The following ROBO2 variants were observed in gnomAD, a reference collection of about 807,000 sequenced individuals.
ROBO2 encodes the protein roundabout guidance receptor 2.
A neutral mutation model predicts 160.8 loss-of-function variants in ROBO2; 53 were observed. The ratio of observed to expected loss-of-function variants is 0.33; its 90% CI spans 0.26 to 0.41. The LOEUF (loss-of-function observed/expected upper bound fraction) is 0.41, where lower values mean the gene tolerates loss of function less well. Ranked by LOEUF, ROBO2 falls within the 10% of genes least tolerant of loss-of-function variation. The pLI is 1.00. For synonymous variants in ROBO2, 664 were observed against 611.7 expected (o/e 1.09, Z -1.26); for missense variants, 1,577 against 1,722.4 (o/e 0.92, Z 1.49).
At chr3:76,532,387 C>G (rs115366021) in intron 2 of ROBO2, among the ~76,000 whole-genome samples, 412 of 152,290 alleles carry the variant, frequency 2.7e-3, no homozygotes, top group African/African-American at 9.5e-3. Context: ...CCCTGGTAAT[C>G]TGACCATTGT....
At chr3:76,922,259 C>T (rs544890058) in intron 2 of ROBO2, among the ~76,000 whole-genome samples, 25 of 152,166 alleles carry the variant, frequency 1.6e-4, no homozygotes, top group African/African-American at 4.3e-4. Flanking sequence ...TGCAGTGAGC[C>T]GAGATCGCAC....
chr3:76,490,461 G>T (rs2107512284), intron 2 of ROBO2, among the ~76,000 whole-genome samples: 1 of 152,190 alleles, frequency 6.6e-6, no homozygotes, highest in South Asian at 2.1e-4. Flanking sequence ...AGTTTTAATA[G>T]CAAAGCGAAA....
chr3:76,795,286 C>A (rs557568426), intron 2 of ROBO2, among the ~76,000 whole-genome samples: 3 of 152,014 alleles, frequency 2.0e-5, no homozygotes, highest in Non-Finnish European at 4.4e-5. Flanking sequence ...AAGCTTGCTG[C>A]ATCAATTGAC....
chr3:77,413,038 T>A (rs1361358230), intron 2 of ROBO2, among the ~76,000 whole-genome samples: 1 of 152,040 alleles, frequency 6.6e-6, no homozygotes, highest in African/African-American at 2.4e-5. Context: ...ACAACCCCCA[T>A]CTCTACAACA....
intron 2 of ROBO2, among the ~76,000 whole-genome samples, chr3:76,571,785 C>G (rs938288801): frequency 6.6e-6 from 1 of 152,050 alleles, no homozygotes; most frequent in Non-Finnish European, 1.5e-5. Context: ...AAAAATGTCA[C>G]ATTTTAGAAG....
At chr3:76,972,117 AC>A (rs1197542397) in intron 2 of ROBO2, among the ~76,000 whole-genome samples, 1 of 152,154 alleles carries the variant, frequency 6.6e-6, no homozygotes, top group Non-Finnish European at 1.5e-5. Context: ...TAACACCTTA[AC>A]AAATTCTTTA....
intron 2 of ROBO2, among the ~76,000 whole-genome samples, chr3:77,219,468 GTATA>G (rs34026358): frequency 0.039 from 4,733 of 122,182 alleles, 135 homozygotes; most frequent in Middle Eastern, 0.056. Flanking sequence ...ATGTATCTGT[GTATA>G]TATATATATA....
chr3:77,099,075 T>TTC (rs554539180), intron 2 of ROBO2, among the ~76,000 whole-genome samples: 2 of 126,870 alleles, frequency 1.6e-5, no homozygotes, highest in African/African-American at 3.3e-5. Flanking sequence ...TTCTTTCTTT[T>TTC]TTTTTTTTTT....
chr3:76,747,250 G>A (rs1469260296), intron 2 of ROBO2, among the ~76,000 whole-genome samples: 1 of 152,104 alleles, frequency 6.6e-6, no homozygotes, highest in African/African-American at 2.4e-5. Flanking sequence ...GAACAACAAA[G>A]TGATTTGCAG....
intron 16 of ROBO2, among the ~76,000 whole-genome samples, chr3:77,583,176 G>T (rs868684377): frequency 1.5e-4 from 22 of 143,344 alleles, no homozygotes; most frequent in African/African-American, 5.5e-4. Flanking sequence ...AAAAAAAAAG[G>T]AAAAAACATT....
At chr3:76,077,012 A>G (rs1247820197) in intron 2 of ROBO2, among the ~76,000 whole-genome samples, 1 of 152,120 alleles carries the variant, frequency 6.6e-6, no homozygotes, top group African/African-American at 2.4e-5. Context: ...CTACTTCTCT[A>G]CTGCAACATT....
intron 2 of ROBO2, among the ~76,000 whole-genome samples, chr3:76,713,760 T>C (rs763840962): frequency 2.6e-5 from 4 of 152,290 alleles, no homozygotes; most frequent in African/African-American, 9.6e-5. Context: ...AACAACATGC[T>C]TTTAAGCGTA....
At chr3:77,490,600 A>G (rs1323652737) in intron 4 of ROBO2, among the ~76,000 whole-genome samples, 2 of 152,158 alleles carry the variant, frequency 1.3e-5, no homozygotes, top group Non-Finnish European at 2.9e-5. Flanking sequence ...TTCAAGTAAT[A>G]TAAATCTGCC....
chr3:77,266,039 A>G (rs898684966), intron 2 of ROBO2, among the ~76,000 whole-genome samples: 5 of 152,194 alleles, frequency 3.3e-5, no homozygotes, highest in Admixed American at 6.6e-5. Flanking sequence ...GAATCAGGAC[A>G]TGTTCCAAAA....
intron 2 of ROBO2, among the ~76,000 whole-genome samples, chr3:76,850,652 G>C (rs928683526): frequency 6.6e-6 from 1 of 151,986 alleles, no homozygotes; most frequent in Admixed American, 6.6e-5. Context: ...TCCTACCAAT[G>C]ATCTCCACAC....
chr3:76,846,189 C>G (rs2068758643), intron 2 of ROBO2, among the ~76,000 whole-genome samples: 1 of 152,096 alleles, frequency 6.6e-6, no homozygotes, highest in South Asian at 2.1e-4. Flanking sequence ...GTCTGTCATT[C>G]TGTCATAGAT....
intron 2 of ROBO2, among the ~76,000 whole-genome samples, chr3:76,995,085 G>T: frequency 6.8e-6 from 1 of 147,240 alleles, no homozygotes; most frequent in South Asian, 2.2e-4. Context: ...TTCTCCTAAT[G>T]CTATCCCTCC....
At chr3:76,637,750 T>G (rs893623941) in intron 2 of ROBO2, among the ~76,000 whole-genome samples, 2 of 152,142 alleles carry the variant, frequency 1.3e-5, no homozygotes, top group Non-Finnish European at 2.9e-5. Flanking sequence ...CATTAGCAAG[T>G]TTTCAAAAAG....
intron 2 of ROBO2, among the ~76,000 whole-genome samples, chr3:76,181,763 A>G (rs1232593059): frequency 6.6e-6 from 1 of 152,084 alleles, no homozygotes; most frequent in Non-Finnish European, 1.5e-5. Context: ...ATCCTACACC[A>G]ATCATGAGAT....
Sources: gnomAD v4.1 joint callset for allele counts (sites outside exome capture counted in the v4.1 genomes callset) on GRCh38, gnomAD v4.1.1 for gene constraint, MANE v1.5 for transcripts, NCBI Gene and HGNC (gene_info 2026-07-23, HGNC 2026-07-21) for gene names.